Variants in PHF14 observed in about 807,000 individuals in gnomAD.
PHF14 encodes PHD finger protein 14.
PHF14 carries 55 observed loss-of-function variants against 117.9 expected under a neutral mutation model. The observed-to-expected ratio is 0.47, with a 90% confidence interval of 0.38 to 0.58. The LOEUF is 0.58. Among genes scored for constraint, PHF14 ranks in the 20% least tolerant of loss-of-function variants. The pLI, the probability that PHF14 is intolerant of heterozygous loss-of-function variation, is 0.00. For synonymous variants in PHF14, 409 were observed against 368.6 expected (o/e 1.11, Z -1.26); for missense variants, 978 against 1,122.2 (o/e 0.87, Z 1.84).
chr7:11,079,690 A>G (rs1372964327), intron 16 of PHF14, among the ~76,000 whole-genome samples: 1 of 152,148 alleles, frequency 6.6e-6, no homozygotes, highest in African/African-American at 2.4e-5. Flanking sequence ...TTTTCAAAAT[A>G]AATTAATTAA....
At chr7:10,978,032 C>G (rs73678535) in intron 2 of PHF14, among the ~76,000 whole-genome samples, 2,938 of 152,248 alleles carry the variant, frequency 0.019, 106 homozygotes, top group African/African-American at 0.067. Flanking sequence ...CCCTATCCCC[C>G]ACCAGGCAAA....
chr7:11,119,092 A>G (rs898726758), intron 17 of PHF14, among the ~76,000 whole-genome samples: 1 of 151,884 alleles, frequency 6.6e-6, no homozygotes, highest in African/African-American at 2.4e-5. Flanking sequence ...GTGCATTTAC[A>G]TAGCATGCTG....
At chr7:11,084,681 A>G (rs1459461216) in intron 16 of PHF14, among the ~76,000 whole-genome samples, 3 of 152,136 alleles carry the variant, frequency 2.0e-5, no homozygotes, top group Non-Finnish European at 2.9e-5. Context: ...CTAGGCCAAA[A>G]TTATATGCAT....
intron 4 of PHF14, among the ~76,000 whole-genome samples, chr7:11,009,014 C>T (rs28682580): frequency 0.029 from 3,967 of 136,442 alleles, 172 homozygotes; most frequent in African/African-American, 0.1. Context: ...CCAGCCTGGG[C>T]GACAGAGTGA....
intron 17 of PHF14, among the ~76,000 whole-genome samples, chr7:11,163,335 G>T (rs1400009944): frequency 6.6e-6 from 1 of 152,080 alleles, no homozygotes; most frequent in Non-Finnish European, 1.5e-5. Context: ...TTTCTTGTAA[G>T]TTCATTTCAG....
Position 11,061,948 on chromosome 7 carries a change from A to G in PHF14, c.2533-16A>G, listed in dbSNP as rs760699567. ...TTTGTTTGTTATGTTTTATTTTATTATCCCTTGTATGGCAGGAAAGAGTTC... is the reference window on the plus strand; with the variant it reads ...TTTGTTTGTTATGTTTTATTTTATTGTCCCTTGTATGGCAGGAAAGAGTTC... On this transcript the variant is annotated splice_polypyrimidine_tract_variant and intron_variant, in intron 15 of 17. Coordinates refer to ENST00000634607, the MANE Select transcript of PHF14 (RefSeq NM_001007157.2). 7.0e-6 allele frequency: 11 copies of G among 1,566,214 alleles called. No individual in the cohort carries two copies. In the South Asian group the frequency reaches 1.1e-4, roughly 15 times the overall value.
chr7:11,026,539 G>A lies in PHF14; in HGVS notation c.1318-2142G>A, dbSNP rs140165209. On this transcript the variant is annotated intron_variant, in intron 6 of 17. Coordinates refer to ENST00000634607, the MANE Select transcript of PHF14 (RefSeq NM_001007157.2). ...TGGGCAGCACTTAGAACTAGAAAAG[G>A]CTCAGAGATGCCCACTTCAATAGTG... 2.8e-4 allele frequency among the ~76,000 whole-genome samples: 43 copies of A among 152,242 alleles called. No homozygotes were observed. In the East Asian group the frequency reaches 6.6e-3, roughly 23 times the overall value.
At chr7:11,036,787 C>G in intron 9 of PHF14, 99 bp downstream of exon 9, 1 of 1,097,604 alleles carries the variant, frequency 9.1e-7, no homozygotes, top group East Asian at 2.6e-5. Context: ...ATTAGCCATG[C>G]TGCATATATC....
chr7:11,117,993 G>A (rs991767216), intron 17 of PHF14, among the ~76,000 whole-genome samples: 14 of 151,796 alleles, frequency 9.2e-5, no homozygotes, highest in Non-Finnish European at 1.8e-4. Flanking sequence ...TTTTAGGTAA[G>A]ATGTATACCA....
At chr7:11,065,495 A>G (rs1785393432) in intron 16 of PHF14, among the ~76,000 whole-genome samples, 1 of 152,134 alleles carries the variant, frequency 6.6e-6, no homozygotes. Context: ...AACTGTCACT[A>G]TTATAATTTA....
At chr7:10,994,782 G>A (rs1323348480) in intron 4 of PHF14, among the ~76,000 whole-genome samples, 1 of 152,138 alleles carries the variant, frequency 6.6e-6, no homozygotes, top group African/African-American at 2.4e-5. Context: ...TGGCTCAGGA[G>A]TGAAGCTGCA....
chr7:11,070,209 C>T (rs1785566641), intron 16 of PHF14, among the ~76,000 whole-genome samples: 1 of 151,494 alleles, frequency 6.6e-6, no homozygotes, highest in African/African-American at 2.4e-5. Context: ...TCCTTAGTAG[C>T]TGTGACTACA....
chr7:11,071,219 G>GCCTA, intron 16 of PHF14: 2 of 516,796 alleles, frequency 3.9e-6, no homozygotes, highest in South Asian at 2.8e-5. Context: ...CCTCTCTGAA[G>GCCTA]CCTAGTACAC....
At chr7:11,103,032 T>G in intron 16 of PHF14, 15 of 988,730 alleles carry the variant, frequency 1.5e-5, no homozygotes, top group Non-Finnish European at 1.7e-5. Context: ...TCTGTTTCCT[T>G]CAACTTCATA....
intron 17 of PHF14, among the ~76,000 whole-genome samples, chr7:11,154,466 C>G (rs1468726232): frequency 6.6e-6 from 1 of 151,968 alleles, no homozygotes; most frequent in Non-Finnish European, 1.5e-5. Context: ...AACTATATGC[C>G]TAAAAAGGTC....
At chr7:11,027,159 C>A (rs2128319817) in intron 6 of PHF14, among the ~76,000 whole-genome samples, 1 of 152,234 alleles carries the variant, frequency 6.6e-6, no homozygotes, top group Non-Finnish European at 1.5e-5. Context: ...TGAAATTATC[C>A]AGATAATCTA....
At chr7:11,031,686 T>C (rs76905773) in intron 7 of PHF14, among the ~76,000 whole-genome samples, 1,971 of 152,028 alleles carry the variant, frequency 0.013, 42 homozygotes, top group African/African-American at 0.045. Flanking sequence ...CCCGGGAGTT[T>C]GAGGCTGCAT....
rs370955142 is a variant in PHF14, at chr7:10,982,991, C to T, written c.732C>T (p.Ser244=). ...ATGAGGATGATGAAGATGAGGGAAG[C>T]GGGAGTGATGAAGACGAGAATGATG... The part of the protein sequence containing the change: ...GDNEDDEDEG[S]GSDEDENDEG... Residue 244 remains serine (S), a synonymous_variant, in exon 3 of 18, where the codon AGC becomes AGT. Coordinates refer to ENST00000634607, the MANE Select transcript of PHF14 (RefSeq NM_001007157.2). The T allele has an allele frequency of 1.8e-5, 28 of 1,582,774 alleles. No homozygotes were observed. In the African/African-American group the frequency reaches 2.0e-4, roughly 11 times the overall value.
chr7:11,168,855 C>A (rs1292067938), intron 17 of PHF14, among the ~76,000 whole-genome samples: 2 of 152,122 alleles, frequency 1.3e-5, no homozygotes, highest in Non-Finnish European at 2.9e-5. Flanking sequence ...CATCTATTCA[C>A]CATGTTCCAC....
Sources: allele counts gnomAD v4.1 joint callset (sites outside exome capture counted in the v4.1 genomes callset), GRCh38; gene constraint gnomAD v4.1.1; transcripts MANE v1.5; gene names NCBI Gene and HGNC (gene_info 2026-07-23, HGNC 2026-07-21).